GOLM2: variants seen among roughly 807,000 people sequenced by gnomAD.
GOLM2 encodes protein GOLM2.
GOLM2 carries 26 observed loss-of-function variants against 55.9 expected under a neutral mutation model. That is an observed-to-expected ratio of 0.47 (90% CI 0.34 to 0.65). The LOEUF (loss-of-function observed/expected upper bound fraction) is 0.65, where lower values mean the gene tolerates loss of function less well. Among genes scored for constraint, GOLM2 ranks in the 30% least tolerant of loss-of-function variants. GOLM2 has a pLI of 0.01. For missense variants in GOLM2, 486 were observed against 531.8 expected (o/e 0.91, Z 0.85); for synonymous variants, 165 against 194.6 (o/e 0.85, Z 1.27).
At chr15:44,320,082 C>T (rs558263755) in intron 1 of GOLM2, among the ~76,000 whole-genome samples, 1 of 152,306 alleles carries the variant, frequency 6.6e-6, no homozygotes, top group African/African-American at 2.4e-5. Flanking sequence ...CTCCTCATTC[C>T]TTCCTGCCCC....
intron 6 of GOLM2, among the ~76,000 whole-genome samples, chr15:44,345,173 G>A (rs950633481): frequency 2.5e-4 from 38 of 150,744 alleles, no homozygotes; most frequent in African/African-American, 6.1e-4. Flanking sequence ...GCAATGGTGC[G>A]ATCTCAGCTC....
chr15:44,391,393 T>C (rs1275230872), intron 8 of GOLM2, among the ~76,000 whole-genome samples: 1 of 151,788 alleles, frequency 6.6e-6, no homozygotes, highest in Non-Finnish European at 1.5e-5. Flanking sequence ...GGCGGGCGCC[T>C]GTAGTCCCAG....
chr15:44,354,526 CAG>C (rs2079185155), intron 6 of GOLM2, among the ~76,000 whole-genome samples: 2 of 151,722 alleles, frequency 1.3e-5, no homozygotes, highest in East Asian at 3.9e-4. Context: ...ACTTATAAAA[CAG>C]ATTTTAAAAA....
chr15:44,328,734 T>G lies in GOLM2; in HGVS notation c.432T>G (p.Leu144=), dbSNP rs1006698169. 1 of 1,613,384 alleles carries G rather than the reference T, an allele frequency of 6.2e-7. No individual in the cohort carries two copies. Among genetic ancestry groups the G allele is most frequent in the Admixed American group, 1.7e-5 (1 of 59,860 alleles). The change falls in exon 3 of 10, where the codon CTT becomes CTG. Residue 144 remains leucine (L), a synonymous_variant. Coordinates refer to ENST00000299957, the MANE Select transcript of GOLM2 (RefSeq NM_138423.4). ...RQEFLRQEDQ[L]QDYRKNNTYL... is the part of the protein sequence containing the mutation. ...AATTTCTTCGACAAGAAGACCAGCTTCAGGACTATAGGAAGAACAATACTT... is the reference window on the plus strand; with the variant it reads ...AATTTCTTCGACAAGAAGACCAGCTGCAGGACTATAGGAAGAACAATACTT...
At chr15:44,396,561 T>C (rs2079528527) in intron 8 of GOLM2, among the ~76,000 whole-genome samples, 3 of 152,222 alleles carry the variant, frequency 2.0e-5, no homozygotes, top group Non-Finnish European at 2.9e-5. Context: ...TACTCATTTT[T>C]TTCTCTACTA....
At chr15:44,331,712 A>G (rs963308788) in intron 3 of GOLM2, among the ~76,000 whole-genome samples, 2 of 152,076 alleles carry the variant, frequency 1.3e-5, no homozygotes, top group Admixed American at 6.5e-5. Flanking sequence ...TTTTTTTTTA[A>G]TAGATGCAAT....
intron 1 of GOLM2, among the ~76,000 whole-genome samples, chr15:44,291,262 C>T (rs889009530): frequency 3.3e-5 from 5 of 152,122 alleles, no homozygotes; most frequent in African/African-American, 7.2e-5. Flanking sequence ...TGCAGGTGTG[C>T]ACCACCTTGC....
At chr15:44,294,182 T>C (rs1211911738) in intron 1 of GOLM2, among the ~76,000 whole-genome samples, 1 of 152,196 alleles carries the variant, frequency 6.6e-6, no homozygotes, top group Non-Finnish European at 1.5e-5. Context: ...TTTTGGTACT[T>C]TTAGATGCTC....
intron 8 of GOLM2, among the ~76,000 whole-genome samples, chr15:44,399,019 A>T (rs2079546286): frequency 6.6e-6 from 1 of 152,048 alleles, no homozygotes; most frequent in African/African-American, 2.4e-5. Flanking sequence ...TTTCTCATAT[A>T]AATCCAGTCA....
chr15:44,404,663 A>G (rs904423299), intron 9 of GOLM2, among the ~76,000 whole-genome samples: 4 of 152,056 alleles, frequency 2.6e-5, no homozygotes, highest in Admixed American at 6.6e-5. Flanking sequence ...CATATCACCA[A>G]TTAGATTGTA....
At chr15:44,367,370 A>G (rs2079292984) in intron 6 of GOLM2, among the ~76,000 whole-genome samples, 1 of 152,226 alleles carries the variant, frequency 6.6e-6, no homozygotes, top group Admixed American at 6.5e-5. Context: ...CTTGAAGTGC[A>G]GGTCTTCTAG....
intron 7 of GOLM2, 64 bp downstream of exon 7, chr15:44,379,852 G>GC: frequency 7.5e-6 from 7 of 927,444 alleles, no homozygotes; most frequent in East Asian, 2.4e-5. Context: ...CAGTTATATA[G>GC]TGTATAAAAT....
At chr15:44,364,333 G>A (rs1046298559) in intron 6 of GOLM2, among the ~76,000 whole-genome samples, 1 of 151,552 alleles carries the variant, frequency 6.6e-6, no homozygotes, top group African/African-American at 2.4e-5. Context: ...AGACCAGCCT[G>A]GGCAATATGA....
intron 9 of GOLM2, among the ~76,000 whole-genome samples, chr15:44,405,810 G>T (rs548025952): frequency 2.0e-5 from 3 of 151,958 alleles, no homozygotes; most frequent in Admixed American, 2.0e-4. Context: ...TAGTAGAGAT[G>T]GGGGTTTCAC....
intron 8 of GOLM2, among the ~76,000 whole-genome samples, chr15:44,397,517 C>CA (rs927655439): frequency 7.1e-6 from 1 of 141,496 alleles, no homozygotes; most frequent in Admixed American, 7.0e-5. Flanking sequence ...ACCACACACA[C>CA]ACACACACAC....
At chr15:44,339,511 G>A (rs1381936131) in intron 6 of GOLM2, among the ~76,000 whole-genome samples, 7 of 151,580 alleles carry the variant, frequency 4.6e-5, no homozygotes, top group African/African-American at 1.7e-4. Context: ...GCTAATTTTT[G>A]TATTTTCAGT....
intron 6 of GOLM2, among the ~76,000 whole-genome samples, chr15:44,342,625 A>G (rs1462407026): frequency 3.3e-5 from 5 of 152,212 alleles, no homozygotes; most frequent in Admixed American, 6.5e-5. Flanking sequence ...ATCATTTTTC[A>G]TAGCAATTAT....
chr15:44,394,834 T>G (rs2079514097), intron 8 of GOLM2, among the ~76,000 whole-genome samples: 1 of 152,182 alleles, frequency 6.6e-6, no homozygotes, highest in Non-Finnish European at 1.5e-5. Flanking sequence ...GTTGAATGTG[T>G]TAACTACCAA....
chr15:44,291,768 TCCC>T lies in GOLM2; in HGVS notation c.327+2413_327+2415del, dbSNP rs1302599201. 2.6e-5 allele frequency among the ~76,000 whole-genome samples: 4 copies of T among 152,208 alleles called. No homozygotes were observed. In the East Asian group the frequency reaches 7.7e-4, roughly 29 times the overall value. On this transcript the variant is annotated intron_variant, in intron 1 of 9. Coordinates refer to ENST00000299957, the MANE Select transcript of GOLM2 (RefSeq NM_138423.4). ...GGACTCTGTTATTGAGCCTTTGCTC[TCCC>T]ATAAGAGCAGTATTCCCCAAAGTAG...
Sources: gnomAD v4.1 joint callset for allele counts (sites outside exome capture counted in the v4.1 genomes callset) on GRCh38, gnomAD v4.1.1 for gene constraint, MANE v1.5 for transcripts, NCBI Gene and HGNC (gene_info 2026-07-23, HGNC 2026-07-21) for gene names.